PLCG2: variants seen among roughly 807,000 people sequenced by gnomAD.
PLCG2 encodes phospholipase C gamma 2, also known as 1-phosphatidylinositol 4,5-bisphosphate phosphodiesterase gamma-2.
PLCG2 carries 69 observed loss-of-function variants against 175.6 expected under a neutral mutation model. The observed-to-expected ratio is 0.39, with a 90% confidence interval of 0.32 to 0.48. PLCG2 has a LOEUF of 0.48. Among genes scored for constraint, PLCG2 ranks in the 20% least tolerant of loss-of-function variants. The probability of loss-of-function intolerance (pLI) is 0.91; values close to 1 mark genes in which losing one functional copy is unlikely to be tolerated. For synonymous variants in PLCG2, 827 were observed against 624.0 expected, an observed-to-expected ratio of 1.33 and a Z score of -4.85; for missense variants, 1,798 against 1,650.9, an observed-to-expected ratio of 1.09 and a Z score of -1.54.
intron 1 of PLCG2, among the ~76,000 whole-genome samples, chr16:81,750,602 C>T (rs118033246): frequency 0.014 from 2,117 of 146,590 alleles, 35 homozygotes; most frequent in Non-Finnish European, 0.019. Context: ...ATAAAGAAAA[C>T]GTGCCACATA....
chr16:81,826,754 T>G (rs1449821326), intron 2 of PLCG2, among the ~76,000 whole-genome samples: 1 of 152,208 alleles, frequency 6.6e-6, no homozygotes, highest in African/African-American at 2.4e-5. Context: ...AAACTGAGTT[T>G]CATAAAGTAG....
intron 2 of PLCG2, among the ~76,000 whole-genome samples, chr16:81,840,331 C>T (rs564268074): frequency 9.9e-5 from 15 of 152,074 alleles, no homozygotes; most frequent in South Asian, 6.2e-4. Context: ...CACCAGGGGC[C>T]GGTTTTGTGG....
chr16:81,849,695 C>T (rs1397557365), intron 2 of PLCG2, among the ~76,000 whole-genome samples: 1 of 149,016 alleles, frequency 6.7e-6, no homozygotes, highest in Non-Finnish European at 1.5e-5. Flanking sequence ...CACTTGAACC[C>T]AGGAGGCGGA....
intron 24 of PLCG2, chr16:81,928,929 G>T (rs146292109): frequency 6.2e-6 from 2 of 321,486 alleles, no homozygotes; most frequent in Non-Finnish European, 1.2e-5. Context: ...TTTCCCATGC[G>T]TTGCGAAGGA....
chr16:81,881,490 TC>T (rs1237693187), intron 8 of PLCG2, among the ~76,000 whole-genome samples: 3 of 152,236 alleles, frequency 2.0e-5, no homozygotes, highest in Non-Finnish European at 1.5e-5. Flanking sequence ...GTTATGTGTT[TC>T]CCCAGCCTAT....
intron 2 of PLCG2, among the ~76,000 whole-genome samples, chr16:81,773,618 G>A (rs1597309736): frequency 6.6e-6 from 1 of 152,202 alleles, no homozygotes; most frequent in Admixed American, 6.5e-5. Flanking sequence ...CCTGGTTGCA[G>A]TCTGGTTCTT....
chr16:81,937,956 C>T (rs559156184), intron 28 of PLCG2, 53 bp downstream of exon 28: 2 of 1,581,914 alleles, frequency 1.3e-6, no homozygotes, highest in African/African-American at 1.3e-5. Context: ...TCCCTGGGGG[C>T]TGGGCCGATG....
At chr16:81,883,196 T>C in intron 8 of PLCG2, 73 bp from the exon 9 acceptor site, 1 of 1,358,104 alleles carries the variant, frequency 7.4e-7, no homozygotes, top group Non-Finnish European at 1.1e-6. Flanking sequence ...GCTGCCCCAT[T>C]GGCTGGCATC....
At chr16:81,866,970 C>A (rs1261825611) in intron 5 of PLCG2, among the ~76,000 whole-genome samples, 1 of 152,226 alleles carries the variant, frequency 6.6e-6, no homozygotes, top group Admixed American at 6.5e-5. Flanking sequence ...CCCAGCCAGC[C>A]CCAGCTGGCC....
intron 2 of PLCG2, among the ~76,000 whole-genome samples, chr16:81,830,654 G>T (rs1905223107): frequency 1.7e-5 from 1 of 59,570 alleles, no homozygotes; most frequent in South Asian, 6.2e-4. Context: ...TGGGGTGTGT[G>T]TGTGTGTGTG....
In PLCG2 at chr16:81,859,051, C is replaced by T. The variant is rs533617367; in HGVS notation, c.432-65C>T. 38 of 1,017,456 alleles carry T rather than the reference C, an allele frequency of 3.7e-5. No individual in the cohort carries two copies. The East Asian group carries it at 8.1e-4, about 22-fold the overall frequency. 63.0% of individuals were successfully genotyped at this position (1,017,456 alleles called of 1,614,324 possible). A position where few individuals can be genotyped will look rare whatever the true frequency, so the allele number is the denominator to read the frequency against. On this transcript the variant is annotated intron_variant, in intron 4 of 32. Transcript: ENST00000564138. The stretch of plus-strand genomic sequence containing the variant: ...TTTTGTGCACATTCCGTAGGACTCA[C>T]TTAGACTTGTGCTATTTTCTAATTT...
intron 5 of PLCG2, among the ~76,000 whole-genome samples, chr16:81,864,446 T>A (rs1250179439): frequency 6.6e-6 from 1 of 152,202 alleles, no homozygotes; most frequent in East Asian, 1.9e-4. Context: ...CACAGATGTC[T>A]CCATCATTGT....
chr16:81,907,651 C>T lies in PLCG2; in HGVS notation c.1468-34C>T, dbSNP rs376952198. On this transcript the variant is annotated intron_variant, in intron 15 of 32. Transcript: ENST00000564138. ...GCTCCACAGTTGATGAGGTAGAGGA[C>T]TTGGGGGGCACTAATACCAGTTTCA... The T allele has an allele frequency of 5.7e-5, 86 of 1,518,562 alleles. No individual in the cohort carries two copies. In the African/African-American group the frequency reaches 1.1e-3, roughly 19 times the overall value. 94.1% of individuals were successfully genotyped at this position (1,518,562 alleles called of 1,614,324 possible).
At chr16:81,893,964 T>TC (rs1908762384) in intron 12 of PLCG2, among the ~76,000 whole-genome samples, 170 bp downstream of exon 12, 1 of 149,200 alleles carries the variant, frequency 6.7e-6, no homozygotes, top group African/African-American at 2.5e-5. Context: ...TTTCTTTCTT[T>TC]TTTTTTTTTT....
intron 12 of PLCG2, among the ~76,000 whole-genome samples, chr16:81,894,223 G>C (rs969948685): frequency 6.6e-6 from 1 of 152,066 alleles, no homozygotes; most frequent in African/African-American, 2.4e-5. Context: ...GAGGCCAAGA[G>C]TTTGAGACCA....
intron 1 of PLCG2, among the ~76,000 whole-genome samples, chr16:81,750,574 C>A (rs1470731120): frequency 6.6e-6 from 1 of 151,006 alleles, no homozygotes; most frequent in Non-Finnish European, 1.5e-5. Context: ...ACCTAAATGT[C>A]CATCAACAGA....
chr16:81,922,458 C>T (rs191659525), intron 21 of PLCG2, among the ~76,000 whole-genome samples: 2 of 152,346 alleles, frequency 1.3e-5, no homozygotes, highest in African/African-American at 2.4e-5. Context: ...CTATAGTTAG[C>T]ACTTAAGAAG....
At chr16:81,891,695 G>C (rs1391198289) in intron 11 of PLCG2, 105 bp downstream of exon 11, 4 of 720,668 alleles carry the variant, frequency 5.6e-6, no homozygotes, top group Non-Finnish European at 1.0e-5. Flanking sequence ...TGAAGCAGGT[G>C]GAGGGTGTAG....
At position 81,958,610 on chromosome 16, in the gene PLCG2, G is replaced by T. The variant is rs1480020131; in HGVS notation, c.*612G>T. ...ATTAAGACAATTTCTAATTAATGGTGACAGCTTGTTTTGTGACTAGAGTTA... is the reference window on the plus strand; with the variant it reads ...ATTAAGACAATTTCTAATTAATGGTTACAGCTTGTTTTGTGACTAGAGTTA... On this transcript the variant is annotated 3_prime_UTR_variant, in exon 33 of 33. Coordinates refer to ENST00000564138, the MANE Select transcript of PLCG2 (RefSeq NM_002661.5). The T allele has an allele frequency of 4.4e-6, 1 of 227,478 alleles. No homozygotes were observed. Among genetic ancestry groups the T allele is most frequent in the Non-Finnish European group, 8.7e-6 (1 of 114,544 alleles). The allele number at this position is 227,478 out of a possible 1,614,324, so 14.1% of individuals were successfully genotyped here. A position where few individuals can be genotyped will look rare whatever the true frequency, so the allele number is the denominator to read the frequency against.
Sources: gnomAD v4.1 joint callset for allele counts (sites outside exome capture counted in the v4.1 genomes callset) on GRCh38, gnomAD v4.1.1 for gene constraint, MANE v1.5 for transcripts, NCBI Gene and HGNC (gene_info 2026-07-23, HGNC 2026-07-21) for gene names.